The following DPYD variants were observed in gnomAD, a reference collection of about 807,000 sequenced individuals.
DPYD encodes the protein dihydropyrimidine dehydrogenase [NADP(+)].
DPYD carries 109 observed loss-of-function variants against 116.2 expected under a neutral mutation model. That is an observed-to-expected ratio of 0.94 (90% confidence interval 0.80 to 1.10). DPYD has a LOEUF of 1.10. Among genes scored for constraint, DPYD ranks in the 50% least tolerant of loss-of-function variants. The pLI, the probability that DPYD is intolerant of heterozygous loss-of-function variation, is 0.00. For missense variants in DPYD, 1,302 were observed against 1,254.5 expected, an observed-to-expected ratio of 1.04 and a Z score of -0.57; for synonymous variants, 440 against 432.0, an observed-to-expected ratio of 1.02 and a Z score of -0.23.
chr1:97,098,711 T>C, intron 20 of DPYD, 79 bp from the exon 21 acceptor site: 1 of 1,502,048 alleles, frequency 6.7e-7, no homozygotes, highest in Non-Finnish European at 9.1e-7. Flanking sequence ...ATATAAATAT[T>C]ATCAACAAAC....
At chr1:97,465,074 A>G (rs1362606023) in intron 13 of DPYD, among the ~76,000 whole-genome samples, 1 of 152,208 alleles carries the variant, frequency 6.6e-6, no homozygotes, top group Non-Finnish European at 1.5e-5. Context: ...TGGATGTCGG[A>G]CATGCAGTCA....
chr1:97,843,004 T>C (rs1670111096), intron 2 of DPYD, among the ~76,000 whole-genome samples: 2 of 152,080 alleles, frequency 1.3e-5, no homozygotes, highest in South Asian at 4.1e-4. Flanking sequence ...AAACAGCTAG[T>C]CTTCTTTCTC....
intron 16 of DPYD, among the ~76,000 whole-genome samples, chr1:97,360,580 A>G (rs1027485187): frequency 2.0e-5 from 3 of 152,228 alleles, no homozygotes; most frequent in Non-Finnish European, 2.9e-5. Flanking sequence ...CAAATGGAAA[A>G]GAACAGAAAT....
chr1:97,179,346 G>A (rs148827878), intron 20 of DPYD, among the ~76,000 whole-genome samples: 2 of 152,174 alleles, frequency 1.3e-5, no homozygotes, highest in African/African-American at 4.8e-5. Flanking sequence ...TAACATTTAG[G>A]GTTTGAAAGG....
chr1:97,193,379 C>T, intron 19 of DPYD, 131 bp from the exon 20 acceptor site: 1 of 916,360 alleles, frequency 1.1e-6, no homozygotes, highest in African/African-American at 1.6e-5. Context: ...GGATCAGTAG[C>T]CGTCTGGAGA....
chr1:97,692,687 T>C (rs1388030635), intron 6 of DPYD, among the ~76,000 whole-genome samples: 1 of 152,236 alleles, frequency 6.6e-6, no homozygotes, highest in Non-Finnish European at 1.5e-5. Flanking sequence ...CACCAAATTC[T>C]CACTGTTAAT....
In DPYD at chr1:97,382,415, G is replaced by C; in HGVS notation, c.1952C>G (p.Thr651Arg). 1.3e-6 allele frequency: 2 copies of C among 1,597,684 alleles called. No individual in the cohort carries two copies. The highest frequency in any genetic ancestry group is 1.7e-6 in the Non-Finnish European group (2 of 1,171,580). ...TACCTCAGACTTCTTGGCAAGTTCC[G>C]TCCAGTCATTTTTATTGTAACTGCA... ...IMCSYNKNDW[T>R]ELAKKSEDSG... is the part of the protein sequence containing the mutation. Residue 651 changes from threonine (T) to arginine (R), a missense_variant, in exon 15 of 23, where the codon ACG becomes AGG. By Grantham distance (71) the Thr-to-Arg change is moderately conservative. Coordinates refer to ENST00000370192, the MANE Select transcript of DPYD (RefSeq NM_000110.4).
chr1:97,360,641 T>A (rs186945272), intron 16 of DPYD, among the ~76,000 whole-genome samples: 81 of 152,226 alleles, frequency 5.3e-4, no homozygotes, highest in African/African-American at 1.7e-3. Flanking sequence ...GAACTCAGGA[T>A]TAAGAAACTC....
chr1:97,840,124 G>C (rs1039498651), intron 2 of DPYD, among the ~76,000 whole-genome samples: 1 of 151,988 alleles, frequency 6.6e-6, no homozygotes, highest in South Asian at 2.1e-4. Context: ...ACCAAAAAAT[G>C]ACATAATGTT....
intron 14 of DPYD, among the ~76,000 whole-genome samples, chr1:97,384,472 G>A (rs534692631): frequency 1.1e-4 from 17 of 152,084 alleles, no homozygotes; most frequent in South Asian, 8.3e-4. Context: ...TATTTGGCAC[G>A]TATCAAAGAC....
intron 3 of DPYD, among the ~76,000 whole-genome samples, chr1:97,741,426 G>C (rs1664266284): frequency 6.6e-6 from 1 of 152,096 alleles, no homozygotes. Flanking sequence ...ACTTCACAGA[G>C]GAGCCCCTAC....
intron 14 of DPYD, among the ~76,000 whole-genome samples, chr1:97,445,477 T>A (rs1229922647): frequency 1.3e-5 from 2 of 152,170 alleles, no homozygotes; most frequent in African/African-American, 4.8e-5. Context: ...TTAAGGCCCC[T>A]TCATGAATAT....
intron 12 of DPYD, among the ~76,000 whole-genome samples, chr1:97,548,032 T>C (rs904924783): frequency 5.3e-5 from 8 of 152,078 alleles, no homozygotes; most frequent in African/African-American, 1.7e-4. Flanking sequence ...ATAGACAAAA[T>C]GGTCATGGAA....
At chr1:97,147,377 C>A (rs2101709499) in intron 20 of DPYD, among the ~76,000 whole-genome samples, 1 of 152,174 alleles carries the variant, frequency 6.6e-6, no homozygotes, top group African/African-American at 2.4e-5. Context: ...AACGAACAAA[C>A]AAACAAAAAA....
At chr1:97,749,881 T>C (rs189895194) in intron 3 of DPYD, among the ~76,000 whole-genome samples, 6 of 152,296 alleles carry the variant, frequency 3.9e-5, no homozygotes, top group Admixed American at 2.6e-4. Flanking sequence ...GTTTTTATTA[T>C]AGCTTTTCTA....
intron 16 of DPYD, among the ~76,000 whole-genome samples, chr1:97,346,276 A>G (rs146490217): frequency 6.6e-6 from 1 of 151,884 alleles, no homozygotes; most frequent in African/African-American, 2.4e-5. Flanking sequence ...CTTCTACCAT[A>G]AATGGGCATT....
intron 19 of DPYD, among the ~76,000 whole-genome samples, chr1:97,218,744 C>A (rs925670293): frequency 1.3e-5 from 2 of 151,810 alleles, no homozygotes; most frequent in African/African-American, 4.8e-5. Context: ...TAATGATATG[C>A]CAAATCAAAA....
At chr1:97,349,267 A>G (rs2101307743) in intron 16 of DPYD, among the ~76,000 whole-genome samples, 1 of 152,168 alleles carries the variant, frequency 6.6e-6, no homozygotes, top group African/African-American at 2.4e-5. Flanking sequence ...TAATATTATC[A>G]ATGTGAGCCA....
intron 20 of DPYD, among the ~76,000 whole-genome samples, chr1:97,099,106 C>T (rs946163710): frequency 6.6e-6 from 1 of 152,070 alleles, no homozygotes; most frequent in Non-Finnish European, 1.5e-5. Flanking sequence ...CCAAAGTTCT[C>T]ATCTGTATCT....
Sources: allele counts gnomAD v4.1 joint callset (sites outside exome capture counted in the v4.1 genomes callset), GRCh38; gene constraint gnomAD v4.1.1; transcripts MANE v1.5; gene names NCBI Gene and HGNC (gene_info 2026-07-23, HGNC 2026-07-21).